DSCAM: variants seen among roughly 807,000 people sequenced by gnomAD.
DSCAM encodes DS cell adhesion molecule.
Under a neutral mutation model 217.7 loss-of-function variants are expected in DSCAM, and 47 were observed. That is an observed-to-expected ratio of 0.22 (90% CI 0.17 to 0.28). DSCAM has a LOEUF of 0.28. Among genes scored for constraint, DSCAM ranks in the 10% least tolerant of loss-of-function variants. DSCAM has a pLI of 1.00. For missense variants in DSCAM, 2,080 were observed against 2,618.3 expected (o/e 0.79, Z 4.49); for synonymous variants, 1,056 against 1,015.3 (o/e 1.04, Z -0.76).
chr21:40,722,775 T>C (rs891512024), intron 1 of DSCAM, among the ~76,000 whole-genome samples: 1 of 151,826 alleles, frequency 6.6e-6, no homozygotes, highest in Non-Finnish European at 1.5e-5. Context: ...CTATACGCTA[T>C]CCAGGAGAAA....
chr21:40,237,456 C>A (rs1039419483), intron 11 of DSCAM, among the ~76,000 whole-genome samples: 6 of 152,156 alleles, frequency 3.9e-5, no homozygotes, highest in African/African-American at 1.2e-4. Context: ...TGAGTGAGAA[C>A]ACGTGGTGTT....
At chr21:40,318,071 T>A (rs762065639) in intron 8 of DSCAM, among the ~76,000 whole-genome samples, 11 of 151,654 alleles carry the variant, frequency 7.3e-5, no homozygotes, top group Non-Finnish European at 1.5e-4. Context: ...ATCCAGTCTA[T>A]CATTGTCGCA....
chr21:40,383,671 C>T (rs1218933446), intron 3 of DSCAM: 1 of 152,026 alleles, frequency 6.6e-6, no homozygotes, highest in South Asian at 2.1e-4. Context: ...AAGTAAACCG[C>T]TGGTTTAGAG....
chr21:40,341,778 TCTAA>T (rs1258419305), intron 6 of DSCAM, among the ~76,000 whole-genome samples: 5 of 152,228 alleles, frequency 3.3e-5, no homozygotes, highest in East Asian at 1.9e-4. Context: ...AGTACTATTA[TCTAA>T]CTCACTGTCC....
At chr21:40,355,285 G>A (rs1179933416) in intron 4 of DSCAM, among the ~76,000 whole-genome samples, 2 of 152,160 alleles carry the variant, frequency 1.3e-5, no homozygotes, top group African/African-American at 4.8e-5. Flanking sequence ...TAAGGTGAAT[G>A]AGCACTACCG....
At chr21:40,775,798 C>G (rs887266920) in intron 1 of DSCAM, among the ~76,000 whole-genome samples, 3 of 152,248 alleles carry the variant, frequency 2.0e-5, no homozygotes. Context: ...CCTTTTTGTA[C>G]ATTTGTATCT....
intron 28 of DSCAM, among the ~76,000 whole-genome samples, chr21:40,057,391 C>T (rs2089042725): frequency 6.6e-6 from 1 of 152,280 alleles, no homozygotes; most frequent in Non-Finnish European, 1.5e-5. Context: ...CATGCTTAGA[C>T]AAGCTATATT....
chr21:40,439,643 C>T (rs888288020), intron 3 of DSCAM, among the ~76,000 whole-genome samples: 12 of 151,808 alleles, frequency 7.9e-5, no homozygotes, highest in Admixed American at 2.6e-4. Flanking sequence ...TAAAGACATA[C>T]TCAAGACTGG....
At chr21:40,634,496 C>T (rs1351849543) in intron 3 of DSCAM, among the ~76,000 whole-genome samples, 1 of 152,194 alleles carries the variant, frequency 6.6e-6, no homozygotes, top group African/African-American at 2.4e-5. Flanking sequence ...TTATCCTTTT[C>T]CCTCATCTCT....
intron 1 of DSCAM, among the ~76,000 whole-genome samples, chr21:40,809,515 C>A (rs546237278): frequency 6.6e-6 from 1 of 152,220 alleles, no homozygotes; most frequent in African/African-American, 2.4e-5. Context: ...TGTAAATTAT[C>A]GCTCAATAAA....
chr21:40,227,618 C>T (rs937916050), intron 11 of DSCAM, among the ~76,000 whole-genome samples: 1 of 152,172 alleles, frequency 6.6e-6, no homozygotes, highest in African/African-American at 2.4e-5. Context: ...ACCCCTTTCC[C>T]CCACTGCTAC....
At chr21:40,575,374 C>A (rs556193681) in intron 3 of DSCAM, among the ~76,000 whole-genome samples, 1 of 152,066 alleles carries the variant, frequency 6.6e-6, no homozygotes, top group Non-Finnish European at 1.5e-5. Context: ...TCACACAAAG[C>A]CTGTTTGGTG....
intron 11 of DSCAM, among the ~76,000 whole-genome samples, chr21:40,208,568 A>T (rs1361409911): frequency 4.6e-5 from 7 of 152,218 alleles, no homozygotes; most frequent in African/African-American, 1.7e-4. Context: ...AGGATCTTGG[A>T]GTGCTGCATG....
intron 1 of DSCAM, among the ~76,000 whole-genome samples, chr21:40,724,299 G>A (rs1207156735): frequency 6.6e-6 from 1 of 152,202 alleles, no homozygotes; most frequent in African/African-American, 2.4e-5. Flanking sequence ...CCAAAATGAT[G>A]TAAATGGCTC....
intron 1 of DSCAM, among the ~76,000 whole-genome samples, chr21:40,787,541 G>A (rs887672041): frequency 6.6e-6 from 1 of 152,166 alleles, no homozygotes. Context: ...CAATTGAACA[G>A]TGGTTCATCT....
chr21:40,847,150 C>T lies in DSCAM; in HGVS notation c.-489G>A, dbSNP rs2092153562. 3 of 152,352 alleles carry T rather than the reference C, an allele frequency of 2.0e-5. No individual in the cohort carries two copies. The highest frequency in any genetic ancestry group is 2.0e-4 in the Admixed American group (3 of 15,292). 9.4% of individuals were successfully genotyped at this position (152,352 alleles called of 1,614,324 possible). A position where few individuals can be genotyped will look rare whatever the true frequency, so the allele number is the denominator to read the frequency against. On this transcript the variant is annotated 5_prime_UTR_variant, in exon 1 of 33. Transcript: ENST00000400454. ...CTGCCAACCTTCCCTGCCTGCGAGC[C>T]GGGCGAGTGAAGCCGAGCGCGGAGG...
intron 3 of DSCAM, chr21:40,618,488 T>C (rs1226642859): frequency 6.6e-6 from 1 of 152,176 alleles, no homozygotes; most frequent in Non-Finnish European, 1.5e-5. Flanking sequence ...CGGAGTTTCA[T>C]GAGAGAGAAG....
intron 1 of DSCAM, among the ~76,000 whole-genome samples, chr21:40,749,846 T>C (rs2091210486): frequency 1.3e-5 from 2 of 152,286 alleles, no homozygotes; most frequent in East Asian, 1.9e-4. Context: ...CAGAGGAATG[T>C]ATAAAGGGCG....
At chr21:40,441,155 T>G (rs180973351) in intron 3 of DSCAM, among the ~76,000 whole-genome samples, 3 of 152,206 alleles carry the variant, frequency 2.0e-5, no homozygotes, top group Admixed American at 2.0e-4. Flanking sequence ...GTAGACCAGA[T>G]CTAGACCCTA....
Sources: allele counts gnomAD v4.1 joint callset (sites outside exome capture counted in the v4.1 genomes callset), GRCh38; gene constraint gnomAD v4.1.1; transcripts MANE v1.5; gene names NCBI Gene and HGNC (gene_info 2026-07-23, HGNC 2026-07-21).